DPRX: variants seen among roughly 807,000 people sequenced by gnomAD.
DPRX encodes the protein divergent-paired related homeobox.
DPRX carries 11 observed loss-of-function variants against 8.4 expected under a neutral mutation model. The ratio of observed to expected loss-of-function variants is 1.31; its 90% CI spans 0.82 to 2.17. The LOEUF is 2.17. Ranked by LOEUF, DPRX falls within the 30% of genes most tolerant of loss-of-function variation. DPRX has a pLI of 0.00. For synonymous variants in DPRX, 72 were observed against 87.0 expected (o/e 0.83, Z 0.96); for missense variants, 211 against 236.7 (o/e 0.89, Z 0.71).
chr19:53,627,439 CTT>C (rs1030412694), upstream of DPRX, among the ~76,000 whole-genome samples: 3 of 66,230 alleles, frequency 4.5e-5, no homozygotes, highest in Non-Finnish European at 3.5e-5. Context: ...TTCTTTCTTT[CTT>C]TTTTTTTTTT....
chr19:53,611,239 T>G, the DPRX span, among the ~76,000 whole-genome samples: 1 of 151,988 alleles, frequency 6.6e-6, no homozygotes. Context: ...AAATCCTTTT[T>G]GCAAGACAAA....
chr19:53,611,183 C>T, the DPRX span, among the ~76,000 whole-genome samples: 126 of 151,822 alleles, frequency 8.3e-4, 1 homozygote, highest in African/African-American at 2.2e-3. Flanking sequence ...ATTACAGGCG[C>T]GAGCCACAGA....
the DPRX span, among the ~76,000 whole-genome samples, chr19:53,618,343 G>A: frequency 6.6e-6 from 1 of 151,842 alleles, no homozygotes; most frequent in Non-Finnish European, 1.5e-5. Context: ...TTTACCTACG[G>A]AGCTTTGGCT....
the DPRX span, among the ~76,000 whole-genome samples, chr19:53,621,253 C>G: frequency 6.6e-6 from 1 of 152,062 alleles, no homozygotes; most frequent in Admixed American, 6.6e-5. Context: ...CTGCCTCAGC[C>G]TCTGGAGTAG....
the DPRX span, chr19:53,616,837 C>T: frequency 1.9e-6 from 3 of 1,600,130 alleles, no homozygotes; most frequent in East Asian, 2.2e-5. Context: ...GTTCTTAGCG[C>T]TTGAATGTCC....
At chr19:53,632,604 C>T (rs953297491) in intron 1 of DPRX, among the ~76,000 whole-genome samples, 11 of 152,164 alleles carry the variant, frequency 7.2e-5, no homozygotes, top group African/African-American at 1.9e-4. Flanking sequence ...CCACTGCACC[C>T]GGCCCAAGTT....
the DPRX span, among the ~76,000 whole-genome samples, chr19:53,619,434 T>C: frequency 0.016 from 2,374 of 152,094 alleles, 72 homozygotes; most frequent in African/African-American, 0.054. Context: ...TAGCACTTTG[T>C]GAGGCCGAGA....
chr19:53,632,147 A>C lies in DPRX; in HGVS notation c.28+13A>C. The C allele has an allele frequency of 1.2e-6, 2 of 1,614,020 alleles. No homozygotes were observed. The highest frequency in any genetic ancestry group is 1.7e-6 in the Non-Finnish European group (2 of 1,179,964). ...GATCTTCGTAAAGGTAAGCCAGAAA[A>C]AATGAGAACCGAAGCAAAGACACGT... On this transcript the variant is annotated intron_variant, in intron 1 of 2. Coordinates refer to ENST00000376650, the Ensembl canonical transcript of DPRX.
intron 2 of DPRX, among the ~76,000 whole-genome samples, chr19:53,636,209 T>C (rs2091111336): frequency 6.6e-6 from 1 of 151,650 alleles, no homozygotes; most frequent in African/African-American, 2.4e-5. Flanking sequence ...GTACTAAAAA[T>C]ACAAAAATTA....
chr19:53,626,208 G>T, the DPRX span, among the ~76,000 whole-genome samples: 1 of 152,002 alleles, frequency 6.6e-6, no homozygotes, highest in Non-Finnish European at 1.5e-5. Context: ...AAAATGCTGG[G>T]AATACAGACG....
upstream of DPRX, among the ~76,000 whole-genome samples, chr19:53,628,744 C>G (rs968985335): frequency 6.6e-6 from 1 of 151,850 alleles, no homozygotes; most frequent in Non-Finnish European, 1.5e-5. Flanking sequence ...CATGTGCCAC[C>G]GCACCCGGCT....
Position 53,634,754 on chromosome 19 carries a change from G to A in DPRX, c.183+69G>A, listed in dbSNP as rs2091106007. The A allele has an allele frequency of 3.9e-6, 6 of 1,537,454 alleles. No individual in the cohort carries two copies. In the Middle Eastern group the frequency reaches 7.0e-4, roughly 179 times the overall value. On this transcript the variant is annotated intron_variant, in intron 2 of 2. Transcript: ENST00000376650. ...TAATCTAAATTCAGAGTCCCTCTAG[G>A]ATAATTCCTGAGGTCTCATTCCAAT...
intron 2 of DPRX, among the ~76,000 whole-genome samples, chr19:53,635,339 A>G (rs1008149676): frequency 6.6e-6 from 1 of 151,862 alleles, no homozygotes; most frequent in Non-Finnish European, 1.5e-5. Context: ...ACATTACAAA[A>G]TAGTGTTGTT....
the DPRX span, among the ~76,000 whole-genome samples, chr19:53,622,268 C>A: frequency 2.0e-5 from 3 of 152,006 alleles, no homozygotes; most frequent in Non-Finnish European, 2.9e-5. Flanking sequence ...TGATGTCTTG[C>A]AGTAAACAAG....
chr19:53,632,467 ATTT>A (rs35312439), intron 1 of DPRX, among the ~76,000 whole-genome samples: 36 of 148,214 alleles, frequency 2.4e-4, no homozygotes, highest in Admixed American at 2.0e-4. Context: ...CACCTGGCTA[ATTT>A]TTTTTTTTTT....
At chr19:53,630,219 A>AC (rs1000823861), upstream of DPRX, among the ~76,000 whole-genome samples, 1 of 150,562 alleles carries the variant, frequency 6.6e-6, no homozygotes, top group Non-Finnish European at 1.5e-5. Flanking sequence ...TCTCAAAAAA[A>AC]AAAAAAAAAA....
intron 1 of DPRX, among the ~76,000 whole-genome samples, chr19:53,634,028 A>G (rs964747234): frequency 2.6e-5 from 4 of 152,226 alleles, no homozygotes; most frequent in African/African-American, 7.2e-5. Flanking sequence ...TGAGGCTTGG[A>G]AAAACAAGGA....
chr19:53,636,268 A>G (rs2091111536), intron 2 of DPRX, among the ~76,000 whole-genome samples: 1 of 152,040 alleles, frequency 6.6e-6, no homozygotes, highest in African/African-American at 2.4e-5. Flanking sequence ...CAGGAGGCTG[A>G]GGCAGAAGCA....
At chr19:53,611,525 G>T in the DPRX span, among the ~76,000 whole-genome samples, 2 of 152,036 alleles carry the variant, frequency 1.3e-5, no homozygotes, top group East Asian at 3.8e-4. Flanking sequence ...GAGCCTCCGC[G>T]CCTGGCCCTA....
Sources: allele counts gnomAD v4.1 joint callset (sites outside exome capture counted in the v4.1 genomes callset), GRCh38; gene constraint gnomAD v4.1.1; transcripts MANE v1.5; gene names NCBI Gene and HGNC (gene_info 2026-07-23, HGNC 2026-07-21).